MEF2A: variants seen among roughly 807,000 people sequenced by gnomAD.
MEF2A encodes the protein myocyte-specific enhancer factor 2A.
In MEF2A, 28 loss-of-function variants were observed where a neutral mutation model predicts 55.8. That is an observed-to-expected ratio of 0.50 (90% CI 0.37 to 0.69). The LOEUF is 0.69. Among genes scored for constraint, MEF2A ranks in the 30% least tolerant of loss-of-function variants. The probability of loss-of-function intolerance (pLI) is 0.00; values close to 1 mark genes in which losing one functional copy is unlikely to be tolerated. For synonymous variants in MEF2A, 239 were observed against 227.1 expected (o/e 1.05, Z -0.47); for missense variants, 528 against 626.2 (o/e 0.84, Z 1.67).
rs116654830 is a variant in MEF2A, at chr15:99,647,866, C to T, written c.258+2102C>T. 4.9e-3 allele frequency among the ~76,000 whole-genome samples: 753 copies of T among 152,228 alleles called. 6 individuals are homozygous for T. The highest frequency in any genetic ancestry group is 0.017 in the African/African-American group (707 of 41,558). On this transcript the variant is annotated intron_variant, in intron 4 of 11. Transcript: ENST00000557942. Reference sequence around the variant, plus strand: ...TATTGTGGTAGGATAAATTACAAGGCTTAATTCACACTTCTTGTATATTAA... The same window carrying T: ...TATTGTGGTAGGATAAATTACAAGGTTTAATTCACACTTCTTGTATATTAA...
intron 11 of MEF2A, among the ~76,000 whole-genome samples, chr15:99,711,879 G>A (rs556224443): frequency 6.6e-6 from 1 of 152,326 alleles, no homozygotes; most frequent in African/African-American, 2.4e-5. Context: ...CCCAGGCCCG[G>A]GGAACAGCCT....
At chr15:99,573,335 C>G (rs1963175334) in intron 1 of MEF2A, among the ~76,000 whole-genome samples, 1 of 150,806 alleles carries the variant, frequency 6.6e-6, no homozygotes, top group South Asian at 2.1e-4. Context: ...CGGAAATAAC[C>G]AACCACAGAC....
At chr15:99,657,743 A>C (rs545790462) in intron 4 of MEF2A, among the ~76,000 whole-genome samples, 18 of 152,242 alleles carry the variant, frequency 1.2e-4, no homozygotes, top group African/African-American at 4.3e-4. Context: ...GGCCTTAAGA[A>C]AAGAGGAAAA....
chr15:99,696,097 C>T (rs1389582423), intron 8 of MEF2A, among the ~76,000 whole-genome samples: 2 of 152,102 alleles, frequency 1.3e-5, no homozygotes, highest in South Asian at 4.1e-4. Context: ...CTAACAGCAA[C>T]CTTCAAAATA....
rs1233642123 is a variant in MEF2A at position 99,582,839 on chromosome 15, T to TATTAC, written c.-224-15589_-224-15585dup. 2.0e-5 allele frequency among the ~76,000 whole-genome samples: 3 copies of TATTAC among 152,258 alleles called. No homozygotes were observed. The East Asian group carries it at 5.8e-4, about 29-fold the overall frequency. On this transcript the variant is annotated intron_variant, in intron 1 of 11. Transcript: ENST00000557942. ...TGACTTTTATAGCAGAGAGGTCTAG[T>TATTAC]ATTACAGTAATTTATAATTGCCACA...
At chr15:99,570,007 T>C (rs1177035957) in intron 1 of MEF2A, among the ~76,000 whole-genome samples, 1 of 151,802 alleles carries the variant, frequency 6.6e-6, no homozygotes, top group Non-Finnish European at 1.5e-5. Flanking sequence ...AATTTTTATA[T>C]AGATGCTTTA....
At chr15:99,673,983 T>C (rs963198176) in intron 5 of MEF2A, among the ~76,000 whole-genome samples, 2 of 152,126 alleles carry the variant, frequency 1.3e-5, no homozygotes, top group African/African-American at 4.8e-5. Context: ...TCTCCTTCCG[T>C]TATATTTGGG....
At chr15:99,662,393 G>A (rs2048804400) in intron 4 of MEF2A, among the ~76,000 whole-genome samples, 1 of 151,978 alleles carries the variant, frequency 6.6e-6, no homozygotes, top group Non-Finnish European at 1.5e-5. Flanking sequence ...TTTACAATGA[G>A]GAAAGACAAC....
At chr15:99,690,758 T>G (rs144542471) in intron 8 of MEF2A, 3 of 442,478 alleles carry the variant, frequency 6.8e-6, no homozygotes, top group Non-Finnish European at 1.3e-5. Context: ...AAATTGGTCT[T>G]GTGGAGATAG....
intron 2 of MEF2A, among the ~76,000 whole-genome samples, chr15:99,603,159 A>C (rs562872721): frequency 1.8e-4 from 27 of 152,194 alleles, no homozygotes; most frequent in Non-Finnish European, 3.5e-4. Context: ...GTTCATTTAC[A>C]TGGAGTTCAG....
At chr15:99,708,364 C>T (rs1266899691) in intron 10 of MEF2A, among the ~76,000 whole-genome samples, 4 of 152,068 alleles carry the variant, frequency 2.6e-5, no homozygotes, top group African/African-American at 9.7e-5. Flanking sequence ...GTTTACTGAC[C>T]GTTTCATTAC....
intron 2 of MEF2A, among the ~76,000 whole-genome samples, chr15:99,605,582 A>C (rs1974775757): frequency 1.3e-5 from 2 of 152,170 alleles, no homozygotes; most frequent in African/African-American, 4.8e-5. Flanking sequence ...TTATACATAA[A>C]GCATGAACAA....
At chr15:99,680,190 A>G (rs924367796) in intron 7 of MEF2A, among the ~76,000 whole-genome samples, 11 of 152,238 alleles carry the variant, frequency 7.2e-5, no homozygotes, top group African/African-American at 2.7e-4. Context: ...AGAGGAAAAA[A>G]GCAAGATAAA....
intron 8 of MEF2A, among the ~76,000 whole-genome samples, chr15:99,695,504 A>G (rs1034037639): frequency 1.8e-4 from 27 of 150,840 alleles, no homozygotes; most frequent in African/African-American, 6.5e-4. Flanking sequence ...ATCACATTGA[A>G]TGTGGTGAGA....
At chr15:99,603,405 C>G (rs1240781878) in intron 2 of MEF2A, among the ~76,000 whole-genome samples, 1 of 149,646 alleles carries the variant, frequency 6.7e-6, no homozygotes, top group Non-Finnish European at 1.5e-5. Flanking sequence ...GACAGTCTCA[C>G]TCTGTTACCA....
At chr15:99,708,238 C>G (rs2058254160) in intron 10 of MEF2A, among the ~76,000 whole-genome samples, 1 of 152,118 alleles carries the variant, frequency 6.6e-6, no homozygotes, top group Non-Finnish European at 1.5e-5. Flanking sequence ...AGGGGAAGTC[C>G]TGAATTGTTG....
chr15:99,669,695 C>T (rs1165430165), intron 4 of MEF2A, among the ~76,000 whole-genome samples: 2 of 152,090 alleles, frequency 1.3e-5, no homozygotes, highest in Admixed American at 6.5e-5. Flanking sequence ...TTAAAAATCA[C>T]ATTGAATAAA....
chr15:99,594,187 T>C (rs1970336351), intron 1 of MEF2A, among the ~76,000 whole-genome samples: 1 of 152,230 alleles, frequency 6.6e-6, no homozygotes, highest in African/African-American at 2.4e-5. Context: ...TCAGTACTTC[T>C]GATCAATTGG....
chr15:99,677,598 G>A (rs976321459), intron 7 of MEF2A, among the ~76,000 whole-genome samples: 2 of 152,066 alleles, frequency 1.3e-5, no homozygotes, highest in African/African-American at 2.4e-5. Flanking sequence ...ACTAGCATAC[G>A]TTAAATTGAA....
Sources: allele counts gnomAD v4.1 joint callset (sites outside exome capture counted in the v4.1 genomes callset), GRCh38; gene constraint gnomAD v4.1.1; transcripts MANE v1.5; gene names NCBI Gene and HGNC (gene_info 2026-07-23, HGNC 2026-07-21).